RET: variants seen among roughly 807,000 people sequenced by gnomAD.
The protein encoded by RET is proto-oncogene tyrosine-protein kinase receptor Ret.
A neutral mutation model predicts 118.3 loss-of-function variants in RET; 19 were observed. That is an observed-to-expected ratio of 0.16 (90% confidence interval 0.11 to 0.24). The LOEUF (loss-of-function observed/expected upper bound fraction) is 0.24. Among genes scored for constraint, RET ranks in the 10% least tolerant of loss-of-function variants. RET has a pLI of 1.00. For synonymous variants in RET, 597 were observed against 644.1 expected, an observed-to-expected ratio of 0.93 and a Z score of 1.11; for missense variants, 1,219 against 1,502.1, an observed-to-expected ratio of 0.81 and a Z score of 3.12.
intron 12 of RET, 98 bp downstream of exon 12, chr10:43,116,829 C>A: frequency 6.9e-7 from 1 of 1,456,950 alleles, no homozygotes; most frequent in Non-Finnish European, 9.4e-7. Flanking sequence ...GAAGAGCCCC[C>A]AATGCTGTTC....
At chr10:43,124,352 C>G (rs1204351304) in intron 17 of RET, among the ~76,000 whole-genome samples, 2 of 152,128 alleles carry the variant, frequency 1.3e-5, no homozygotes, top group East Asian at 3.9e-4. Context: ...GCCGAGAAGC[C>G]AGGTACCACC....
chr10:43,097,868 C>T (rs1399853458), intron 1 of RET, among the ~76,000 whole-genome samples: 1 of 151,990 alleles, frequency 6.6e-6, no homozygotes, highest in African/African-American at 2.4e-5. Flanking sequence ...CCCTCCAGAC[C>T]CCTCAGCGAC....
chr10:43,124,887 C>A lies in RET; in HGVS notation c.2944C>A (p.Arg982Ser). The change falls in exon 18 of 20, where the codon CGC (arginine) becomes AGC (serine). Residue 982 changes from arginine to serine, a missense_variant. This residue lies in a region of RET where 174 missense variants were observed against 179.3 expected (regional missense o/e 0.97). Transcript: ENST00000355710. ...RPDNCSEEMY[R>S]LMLQCWKQEP... ...CCTGTCTGCTCTTCCCACCAGGTAC[C>A]GCCTGATGCTGCAATGCTGGAAGCA... is the stretch of plus-strand genomic sequence containing the variant. The A allele has an allele frequency of 6.2e-7, 1 of 1,613,926 alleles. No individual in the cohort carries two copies. Among genetic ancestry groups the A allele is most frequent in the African/African-American group, 1.3e-5 (1 of 75,040 alleles).
chr10:43,112,145 G>T lies in RET; in HGVS notation c.1569G>T (p.Lys523Asn), dbSNP rs751464792. 6.3e-7 allele frequency: 1 copy of T among 1,595,356 alleles called. No homozygotes were observed. Among genetic ancestry groups the T allele is most frequent in the African/African-American group, 1.3e-5 (1 of 74,714 alleles). The change falls in exon 8 of 20, where the codon AAG becomes AAT. Residue 523 changes from lysine (K) to asparagine (N), a missense_variant. Lys to Asn is a moderately conservative substitution (Grantham distance 94, BLOSUM62 0). Transcript: ENST00000355710. ...AGCPLSCAVS[K>N]RRLECEECGG... is the part of the protein sequence containing the mutation. The stretch of plus-strand genomic sequence containing the variant: ...GCCCCCTGTCCTGTGCAGTCAGCAA[G>T]AGACGGCTGGAGTGTGAGGAGTGTG...
intron 3 of RET, among the ~76,000 whole-genome samples, chr10:43,103,377 G>A (rs1048782895): frequency 2.0e-5 from 3 of 152,288 alleles, no homozygotes; most frequent in African/African-American, 7.2e-5. Flanking sequence ...ACAGGAGGAT[G>A]TGGGGTGTGA....
Position 43,100,692 on chromosome 10 carries a change from C to T in RET, c.307C>T (p.His103Tyr), listed in dbSNP as rs1217820916. 5 of 1,607,440 alleles carry T rather than the reference C, an allele frequency of 3.1e-6. No homozygotes were observed. Among genetic ancestry groups the T allele is most frequent in the Non-Finnish European group, 2.5e-6 (3 of 1,177,134 alleles). ...GLLYLNRSLDHSSWEKLSVRN... is the reference protein window; with the variant it reads ...GLLYLNRSLDYSSWEKLSVRN... ...CCTCTACCTTAACCGGAGCCTGGAC[C>T]ATAGCTCCTGGGAGAAGCTCAGTGT... The change falls in exon 2 of 20, where the codon CAT becomes TAT. Residue 103 changes from histidine (H) to tyrosine (Y), a missense_variant. Physicochemically the swap from His to Tyr is moderately conservative, Grantham distance 83. This residue lies in a region of RET where 84 missense variants were observed against 163.6 expected (regional missense o/e 0.51). Coordinates refer to ENST00000355710, the MANE Select transcript of RET (RefSeq NM_020975.6).
intron 1 of RET, among the ~76,000 whole-genome samples, chr10:43,094,093 G>GGGGGGT (rs1378506511): frequency 6.6e-6 from 1 of 151,464 alleles, no homozygotes; most frequent in East Asian, 2.0e-4. Flanking sequence ...GGAAGCGGTG[G>GGGGGGT]GGGGGTGGGG....
At chr10:43,085,475 C>T (rs1837269762) in intron 1 of RET, among the ~76,000 whole-genome samples, 1 of 152,234 alleles carries the variant, frequency 6.6e-6, no homozygotes, top group South Asian at 2.1e-4. Flanking sequence ...CCTCACCCCC[C>T]AGGGGCCACC....
chr10:43,112,166 G>T lies in RET; in HGVS notation c.1590G>T (p.Glu530Asp), dbSNP rs1226909381. ...GCAAGAGACGGCTGGAGTGTGAGGA[G>T]TGTGGCGGCCTGGGCTCCCCAACAG... ...AVSKRRLECE[E>D]CGGLGSPTGR... Residue 530 changes from glutamate (E) to aspartate (D), a missense_variant, in exon 8 of 20, where the codon GAG becomes GAT. Physicochemically the swap from Glu to Asp is conservative, Grantham distance 45. Around this residue, in one of 5 missense-constraint regions of RET, gnomAD observed 850 missense variants for 969.6 expected, o/e 0.88. Coordinates refer to ENST00000355710, the MANE Select transcript of RET (RefSeq NM_020975.6). 3 of 1,583,496 alleles carry T rather than the reference G, an allele frequency of 1.9e-6. No individual in the cohort carries two copies. In the South Asian group the frequency reaches 3.5e-5, roughly 18 times the overall value.
At chr10:43,094,681 CACAG>C (rs1837484945) in intron 1 of RET, among the ~76,000 whole-genome samples, 1 of 152,198 alleles carries the variant, frequency 6.6e-6, no homozygotes, top group South Asian at 2.1e-4. Flanking sequence ...CCCCTGCCTC[CACAG>C]ACAGGGCCAG....
rs1241917650 is a variant in RET at position 43,128,591 on chromosome 10, G to A, written c.*322G>A. ...CCACCAACATTCTGTGTTCACATGT[G>A]TGGGTCCAACACTTACTACCTGGTG... is the stretch of plus-strand genomic sequence containing the variant. On this transcript the variant is annotated 3_prime_UTR_variant, in exon 20 of 20. Transcript: ENST00000355710. 1 of 477,844 alleles carries A rather than the reference G, an allele frequency of 2.1e-6. No individual in the cohort carries two copies. Among genetic ancestry groups the A allele is most frequent in the African/African-American group, 1.9e-5 (1 of 51,954 alleles). 29.6% of individuals were successfully genotyped at this position (477,844 alleles called of 1,614,324 possible).
rs1838414166 is a variant in RET, at chr10:43,130,047, G to T, written c.*1778G>T. The stretch of plus-strand genomic sequence containing the variant: ...GTTCTCAGGAGGGTAAGAACTCCAG[G>T]TCTAAACAGCTGACCCAGTGATGGG... On this transcript the variant is annotated 3_prime_UTR_variant, in exon 20 of 20. Coordinates refer to ENST00000355710, the MANE Select transcript of RET (RefSeq NM_020975.6). 2 of 398,544 alleles carry T rather than the reference G, an allele frequency of 5.0e-6. No homozygotes were observed. The highest frequency in any genetic ancestry group is 4.4e-6 in the Non-Finnish European group (1 of 226,056). 24.7% of individuals were successfully genotyped at this position (398,544 alleles called of 1,614,324 possible). A position where few individuals can be genotyped will look rare whatever the true frequency, so the allele number is the denominator to read the frequency against.
chr10:43,126,028 G>A (rs1037096642), intron 18 of RET, among the ~76,000 whole-genome samples: 1 of 152,196 alleles, frequency 6.6e-6, no homozygotes, highest in South Asian at 2.1e-4. Context: ...GCCCGTGCCT[G>A]TAGCAGGGTC....
chr10:43,111,041 G>T (rs752974726), intron 6 of RET, among the ~76,000 whole-genome samples, 166 bp from the exon 7 acceptor site: 4 of 152,232 alleles, frequency 2.6e-5, no homozygotes, highest in Admixed American at 2.6e-4. Context: ...CAGGTGGGTG[G>T]GTATGAAGGC....
At chr10:43,112,076 C>A (rs1837948021) in intron 7 of RET, 23 bp from the exon 8 acceptor site, 2 of 1,589,580 alleles carry the variant, frequency 1.3e-6, no homozygotes, top group Non-Finnish European at 8.6e-7. Flanking sequence ...CCCCCTGTGA[C>A]CCTGCTTGTC....
chr10:43,111,635 A>G (rs1025920683), intron 7 of RET, among the ~76,000 whole-genome samples, 170 bp downstream of exon 7: 1 of 152,268 alleles, frequency 6.6e-6, no homozygotes, highest in African/African-American at 2.4e-5. Flanking sequence ...CTCCTTCCAG[A>G]TAACATACAG....
chr10:43,125,979 T>C lies in RET; in HGVS notation c.3040-596T>C, dbSNP rs965600028. On this transcript the variant is annotated intron_variant, in intron 18 of 19. Coordinates refer to ENST00000355710, the MANE Select transcript of RET (RefSeq NM_020975.6). ...CCTCTGTGCACATTCAAGCTGGGCA[T>C]TGAAAGGAGCAGACGCCAGTGGCCC... Among the ~76,000 whole-genome samples, 4 of 152,176 alleles carry C rather than the reference T, an allele frequency of 2.6e-5. No homozygotes were observed. In the East Asian group the frequency reaches 7.7e-4, roughly 29 times the overall value.
chr10:43,090,097 G>C (rs1837380149), intron 1 of RET, among the ~76,000 whole-genome samples: 1 of 152,214 alleles, frequency 6.6e-6, no homozygotes, highest in South Asian at 2.1e-4. Flanking sequence ...CTCTGTGTAT[G>C]AAAGGGAAAC....
chr10:43,102,141 C>G lies in RET; in HGVS notation c.338-201C>G, dbSNP rs112976896. ...AAGAACTGAATGATGAGAGCTAGGC[C>G]TGTGGGGCATTGGTGCTGGGCAGCA... On this transcript the variant is annotated intron_variant, in intron 2 of 19. Transcript: ENST00000355710. Among the ~76,000 whole-genome samples, 822 of 152,320 alleles carry G rather than the reference C, an allele frequency of 5.4e-3. 11 individuals are homozygous for G. The highest frequency in any genetic ancestry group is 0.019 in the African/African-American group (798 of 41,578).
Sources: gnomAD v4.1 joint callset for allele counts (sites outside exome capture counted in the v4.1 genomes callset) on GRCh38, gnomAD v4.1.1 for gene constraint, gnomAD v4.1.1 regional missense constraint, MANE v1.5 for transcripts, NCBI Gene and HGNC (gene_info 2026-07-23, HGNC 2026-07-21) for gene names.